The following MIER1 variants were observed in gnomAD, a reference collection of about 807,000 sequenced individuals.
MIER1 encodes the protein MIER1 transcriptional regulator, also known as mesoderm induction early response protein 1.
MIER1 carries 40 observed loss-of-function variants against 75.7 expected under a neutral mutation model. The observed-to-expected ratio is 0.53, with a 90% CI of 0.41 to 0.69. MIER1 has a LOEUF of 0.69. MIER1 is among the 30% of genes least tolerant of loss of function. The probability of loss-of-function intolerance (pLI) is 0.00; values close to 1 mark genes in which losing one functional copy is unlikely to be tolerated. For synonymous variants in MIER1, 213 were observed against 223.4 expected (o/e 0.95, Z 0.42); for missense variants, 574 against 680.2 (o/e 0.84, Z 1.74).
intron 4 of MIER1, 130 bp from the exon 5 acceptor site, chr1:66,957,929 T>C: frequency 2.1e-6 from 1 of 474,738 alleles, no homozygotes; most frequent in Non-Finnish European, 3.6e-6. Context: ...TTACTTTTTA[T>C]GATCCGAGAA....
chr1:66,954,348 C>T (rs185045949), intron 4 of MIER1, among the ~76,000 whole-genome samples: 4 of 152,264 alleles, frequency 2.6e-5, no homozygotes, highest in Admixed American at 1.3e-4. Context: ...TTAAAAATTA[C>T]GTAAAACTAG....
At chr1:66,940,854 G>T (rs548675129) in intron 3 of MIER1, among the ~76,000 whole-genome samples, 52 of 152,318 alleles carry the variant, frequency 3.4e-4, no homozygotes, top group African/African-American at 1.2e-3. Context: ...TCAGTGTCCA[G>T]TGACTGTCAA....
chr1:66,986,290 A>C lies in MIER1; in HGVS notation c.*1390A>C, dbSNP rs949647122. ...ATCTGCATAGCCTTGTAAAAGTGCC[A>C]TTTTATTTTTAGTGCTAAATTCTTG... On this transcript the variant is annotated 3_prime_UTR_variant, in exon 14 of 14. Transcript: ENST00000401041. The C allele has an allele frequency of 6.8e-7, 1 of 1,468,924 alleles. No homozygotes were observed. Among genetic ancestry groups the C allele is most frequent in the Non-Finnish European group, 8.9e-7 (1 of 1,117,400 alleles). The allele number at this position is 1,468,924 out of a possible 1,614,324, so 91.0% of individuals were successfully genotyped here.
chr1:66,969,428 C>A (rs1663109810), intron 8 of MIER1, among the ~76,000 whole-genome samples: 1 of 151,456 alleles, frequency 6.6e-6, no homozygotes, highest in Non-Finnish European at 1.5e-5. Flanking sequence ...GCCTGTAGTC[C>A]CAGCTACTCT....
intron 11 of MIER1, among the ~76,000 whole-genome samples, chr1:66,974,260 C>A (rs1166468054): frequency 6.6e-6 from 1 of 151,828 alleles, no homozygotes; most frequent in Non-Finnish European, 1.5e-5. Context: ...TAATTAGTTT[C>A]AAAAATGTAT....
At chr1:66,941,000 G>A (rs1656075421) in intron 3 of MIER1, among the ~76,000 whole-genome samples, 1 of 152,182 alleles carries the variant, frequency 6.6e-6, no homozygotes, top group South Asian at 2.1e-4. Flanking sequence ...TACTTAGATA[G>A]GATGTATTCT....
intron 7 of MIER1, among the ~76,000 whole-genome samples, chr1:66,962,256 T>C (rs1392062265): frequency 6.6e-6 from 1 of 152,202 alleles, no homozygotes; most frequent in African/African-American, 2.4e-5. Flanking sequence ...ATTATATTTG[T>C]GGGAGGAGGT....
intron 8 of MIER1, 89 bp downstream of exon 8, chr1:66,963,249 C>T: frequency 2.4e-6 from 2 of 827,538 alleles, no homozygotes; most frequent in South Asian, 1.5e-5. Context: ...AAGAACATGA[C>T]AGCCTACTAA....
intron 12 of MIER1, among the ~76,000 whole-genome samples, chr1:66,978,051 G>A (rs922770354): frequency 2.0e-5 from 3 of 151,908 alleles, no homozygotes; most frequent in Non-Finnish European, 4.4e-5. Context: ...ACAAAAATTA[G>A]CTGATGTGGT....
chr1:66,936,433 A>G (rs553738917), intron 2 of MIER1, among the ~76,000 whole-genome samples: 30 of 151,462 alleles, frequency 2.0e-4, no homozygotes, highest in African/African-American at 7.3e-4. Context: ...GCGTTTTGCC[A>G]TGTTGGCCAG....
chr1:66,978,466 TAGC>T (rs1570521020), intron 12 of MIER1, among the ~76,000 whole-genome samples: 1 of 152,320 alleles, frequency 6.6e-6, no homozygotes, highest in East Asian at 1.9e-4. Context: ...ATTTCATAAA[TAGC>T]AGTATTGCAA....
At position 66,984,461 on chromosome 1, in the gene MIER1, T is replaced by C. The variant is rs1666496835; in HGVS notation, c.1370-111T>C. The C allele has an allele frequency of 6.6e-6, 5 of 760,370 alleles. No homozygotes were observed. The South Asian group carries it at 7.7e-5, about 12-fold the overall frequency. The allele number at this position is 760,370 out of a possible 1,614,324, so 47.1% of individuals were successfully genotyped here. On this transcript the variant is annotated intron_variant, in intron 13 of 13. Transcript: ENST00000401041. ...AGTAATAGAGCAAGAATTTAGACTATGTATTTGATACCTTGCTTCCTTGAT... is the reference window on the plus strand; with the variant it reads ...AGTAATAGAGCAAGAATTTAGACTACGTATTTGATACCTTGCTTCCTTGAT...
At chr1:66,929,175 T>C (rs1180150845) in intron 2 of MIER1, 2 of 615,546 alleles carry the variant, frequency 3.2e-6, no homozygotes, top group Non-Finnish European at 5.8e-6. Context: ...TTAAGAAAAA[T>C]TGTATATGTA....
rs373410773 is a variant in MIER1 at position 66,946,272 on chromosome 1, T to G, written c.316T>G (p.Ser106Ala). Residue 106 changes from serine (S) to alanine (A), a missense_variant, in exon 4 of 14, where the codon TCT (serine) becomes GCT (alanine). Physicochemically the swap from Ser to Ala is moderately conservative, Grantham distance 99. Coordinates refer to ENST00000401041, the MANE Select transcript of MIER1 (RefSeq NM_001077700.3). ...GATGGAAGGAGAAACAAACTTCAGC[T>G]CTGAAATAGAAGATCTTGCAAGGGT... Reference protein sequence around the residue: ...EMMEGETNFSSEIEDLAREGD... With the variant: ...EMMEGETNFSAEIEDLAREGD... The G allele has an allele frequency of 5.0e-6, 8 of 1,608,822 alleles. No homozygotes were observed. Among genetic ancestry groups the G allele is most frequent in the Non-Finnish European group, 6.8e-6 (8 of 1,178,674 alleles).
At chr1:66,927,034 G>A (rs928769115) in intron 2 of MIER1, among the ~76,000 whole-genome samples, 1 of 152,146 alleles carries the variant, frequency 6.6e-6, no homozygotes, top group Non-Finnish European at 1.5e-5. Flanking sequence ...TTCGTTTAAG[G>A]TACTGGTTGA....
intron 10 of MIER1, among the ~76,000 whole-genome samples, chr1:66,972,026 C>A (rs938216363): frequency 6.1e-5 from 9 of 147,744 alleles, no homozygotes; most frequent in Non-Finnish European, 1.1e-4. Context: ...TTGATAATTG[C>A]CCTATGAACT....
rs1057423883 is a variant in MIER1 at position 66,985,327 on chromosome 1, A to G, written c.*427A>G. 1.0e-5 allele frequency: 10 copies of G among 985,474 alleles called. No individual in the cohort carries two copies. Among genetic ancestry groups the G allele is most frequent in the African/African-American group, 5.2e-5 (3 of 57,326 alleles). 61.0% of individuals were successfully genotyped at this position (985,474 alleles called of 1,614,324 possible). A position where few individuals can be genotyped will look rare whatever the true frequency, so the allele number is the denominator to read the frequency against. On this transcript the variant is annotated 3_prime_UTR_variant, in exon 14 of 14. Transcript: ENST00000401041. ...AAGTCCAAATTTCTGCTTAATACCAATTTCTCTGAGTTTCTTGAAATGTCT... is the reference window on the plus strand; with the variant it reads ...AAGTCCAAATTTCTGCTTAATACCAGTTTCTCTGAGTTTCTTGAAATGTCT...
At chr1:66,935,423 C>T (rs1041594045) in intron 2 of MIER1, among the ~76,000 whole-genome samples, 8 of 152,044 alleles carry the variant, frequency 5.3e-5, no homozygotes, top group Non-Finnish European at 1.0e-4. Flanking sequence ...TGTTGTTTTC[C>T]ATCTCAGATA....
In MIER1 at chr1:66,988,455, T is replaced by C. The variant is rs565567395; in HGVS notation, c.*3555T>C. 6.6e-6 allele frequency: 1 copy of C among 152,428 alleles called. No homozygotes were observed. Among genetic ancestry groups the C allele is most frequent in the African/African-American group, 2.4e-5 (1 of 41,572 alleles). 9.4% of individuals were successfully genotyped at this position (152,428 alleles called of 1,614,324 possible). A position where few individuals can be genotyped will look rare whatever the true frequency, so the allele number is the denominator to read the frequency against. On this transcript the variant is annotated 3_prime_UTR_variant, in exon 14 of 14. Coordinates refer to ENST00000401041, the MANE Select transcript of MIER1 (RefSeq NM_001077700.3). ...ATTAACCTTTCTTTTCTAATACCAGTTTTCCATAAACTCTTGTCATGTACC... is the reference window on the plus strand; with the variant it reads ...ATTAACCTTTCTTTTCTAATACCAGCTTTCCATAAACTCTTGTCATGTACC...
Sources: allele counts gnomAD v4.1 joint callset (sites outside exome capture counted in the v4.1 genomes callset), GRCh38; gene constraint gnomAD v4.1.1; transcripts MANE v1.5; gene names NCBI Gene and HGNC (gene_info 2026-07-23, HGNC 2026-07-21).